Variants in TSPAN9 observed in about 807,000 individuals in gnomAD.
TSPAN9 encodes the protein tetraspanin 9.
TSPAN9 carries 16 observed loss-of-function variants against 31.0 expected under a neutral mutation model. The observed-to-expected ratio is 0.52, with a 90% CI of 0.35 to 0.78. The LOEUF (loss-of-function observed/expected upper bound fraction) is 0.78. Among genes scored for constraint, TSPAN9 ranks in the 30% least tolerant of loss-of-function variants. The pLI, the probability that TSPAN9 is intolerant of heterozygous loss-of-function variation, is 0.01. For missense variants in TSPAN9, 272 were observed against 312.5 expected (o/e 0.87, Z 0.98); for synonymous variants, 145 against 121.6 (o/e 1.19, Z -1.27).
chr12:3,090,525 T>C (rs1301991295), intron 2 of TSPAN9, among the ~76,000 whole-genome samples: 1 of 152,236 alleles, frequency 6.6e-6, no homozygotes, highest in Non-Finnish European at 1.5e-5. Context: ...AAACTAGCCT[T>C]TCAGGTGAAA....
chr12:3,092,771 A>G (rs1431293726), intron 2 of TSPAN9, among the ~76,000 whole-genome samples: 1 of 152,240 alleles, frequency 6.6e-6, no homozygotes, highest in Non-Finnish European at 1.5e-5. Flanking sequence ...TCCTTCCCTG[A>G]GGATGCTCAG....
intron 2 of TSPAN9, among the ~76,000 whole-genome samples, chr12:3,178,159 C>T (rs866304002): frequency 2.0e-5 from 3 of 152,134 alleles, no homozygotes; most frequent in Admixed American, 6.5e-5. Context: ...CTTTCCTCAC[C>T]GTCTCCGCTA....
chr12:3,089,618 A>G (rs1279575399), intron 2 of TSPAN9, among the ~76,000 whole-genome samples: 1 of 151,998 alleles, frequency 6.6e-6, no homozygotes, highest in Non-Finnish European at 1.5e-5. Context: ...TTTTTTAAAA[A>G]GCATCCTTTT....
intron 2 of TSPAN9, among the ~76,000 whole-genome samples, chr12:3,160,112 T>C (rs1338759721): frequency 6.6e-6 from 1 of 152,192 alleles, no homozygotes; most frequent in African/African-American, 2.4e-5. Context: ...CCCCCAGCCC[T>C]GGGCAACCAC....
At chr12:3,149,444 A>G (rs1380360395) in intron 2 of TSPAN9, among the ~76,000 whole-genome samples, 1 of 152,170 alleles carries the variant, frequency 6.6e-6, no homozygotes, top group Admixed American at 6.5e-5. Flanking sequence ...AGTCTCTAAC[A>G]ACCTTGCATT....
chr12:3,226,557 A>G (rs937308549), intron 3 of TSPAN9, among the ~76,000 whole-genome samples: 1 of 150,412 alleles, frequency 6.6e-6, no homozygotes, highest in African/African-American at 2.5e-5. Flanking sequence ...GGGTGTATAT[A>G]TATGGCTGAG....
chr12:3,077,748 A>G (rs1179605785), intron 1 of TSPAN9, among the ~76,000 whole-genome samples: 1 of 152,158 alleles, frequency 6.6e-6, no homozygotes, highest in African/African-American at 2.4e-5. Context: ...ACCGTTTCAG[A>G]AAGGGAGTAA....
intron 2 of TSPAN9, chr12:3,200,827 C>G (rs1029832116): frequency 4.5e-6 from 1 of 224,306 alleles, no homozygotes; most frequent in Admixed American, 6.0e-5. Flanking sequence ...CTCCGCCGGC[C>G]CCCCCGCAGC....
At chr12:3,163,998 C>A (rs1006832816) in intron 2 of TSPAN9, among the ~76,000 whole-genome samples, 3 of 152,158 alleles carry the variant, frequency 2.0e-5, no homozygotes, top group African/African-American at 4.8e-5. Context: ...AGTTCCTGAT[C>A]TGGAGGGTGG....
At chr12:3,094,011 C>A (rs1340805455) in intron 2 of TSPAN9, among the ~76,000 whole-genome samples, 1 of 150,292 alleles carries the variant, frequency 6.7e-6, no homozygotes, top group African/African-American at 2.4e-5. Context: ...CACAGATGTG[C>A]AACACCATGA....
At chr12:3,222,064 G>A (rs2098384856) in intron 3 of TSPAN9, among the ~76,000 whole-genome samples, 2 of 152,216 alleles carry the variant, frequency 1.3e-5, no homozygotes, top group Admixed American at 6.5e-5. Flanking sequence ...AGCTACCTTA[G>A]GTGCTCTGTT....
chr12:3,267,276 C>T (rs915228876), intron 3 of TSPAN9, among the ~76,000 whole-genome samples: 1 of 152,206 alleles, frequency 6.6e-6, no homozygotes, highest in African/African-American at 2.4e-5. Context: ...AGTAATAACA[C>T]CTTGTACAGC....
intron 1 of TSPAN9, among the ~76,000 whole-genome samples, chr12:3,078,612 G>A (rs1406355726): frequency 6.6e-6 from 1 of 152,182 alleles, no homozygotes; most frequent in Non-Finnish European, 1.5e-5. Context: ...CAGAGAGGCA[G>A]ACAATTACAC....
At chr12:3,124,840 T>G (rs975173839) in intron 2 of TSPAN9, 1 of 152,228 alleles carries the variant, frequency 6.6e-6, no homozygotes, top group Non-Finnish European at 1.5e-5. Flanking sequence ...GGAGGATCGC[T>G]TGAGCCCAGG....
At chr12:3,186,404 C>T (rs2098361328) in intron 2 of TSPAN9, among the ~76,000 whole-genome samples, 1 of 152,020 alleles carries the variant, frequency 6.6e-6, no homozygotes, top group East Asian at 1.9e-4. Context: ...TGGAGGTTTA[C>T]AGGAGCTGAG....
At chr12:3,092,251 C>T (rs2098305124) in intron 2 of TSPAN9, among the ~76,000 whole-genome samples, 1 of 152,176 alleles carries the variant, frequency 6.6e-6, no homozygotes, top group African/African-American at 2.4e-5. Flanking sequence ...CCCACTCCAC[C>T]CCTCCGTTAC....
At chr12:3,213,088 C>T (rs1486536409) in intron 3 of TSPAN9, among the ~76,000 whole-genome samples, 1 of 152,126 alleles carries the variant, frequency 6.6e-6, no homozygotes, top group East Asian at 1.9e-4. Flanking sequence ...TTGGGTACAG[C>T]GGTGTGCTGG....
At chr12:3,214,844 C>T (rs2098380515) in intron 3 of TSPAN9, among the ~76,000 whole-genome samples, 1 of 152,120 alleles carries the variant, frequency 6.6e-6, no homozygotes, top group Non-Finnish European at 1.5e-5. Context: ...CCAATTCCTC[C>T]CTCCAGCGAT....
At chr12:3,094,847 C>CTTT (rs61154605) in intron 2 of TSPAN9, among the ~76,000 whole-genome samples, 6 of 101,926 alleles carry the variant, frequency 5.9e-5, no homozygotes, top group African/African-American at 2.5e-4. Flanking sequence ...AATCAATAAT[C>CTTT]TTTTTTTTTT....
Sources: allele counts gnomAD v4.1 joint callset (sites outside exome capture counted in the v4.1 genomes callset), GRCh38; gene constraint gnomAD v4.1.1; transcripts MANE v1.5; gene names NCBI Gene and HGNC (gene_info 2026-07-23, HGNC 2026-07-21).